Variants in PNPLA7 observed in about 807,000 individuals in gnomAD.
PNPLA7 encodes patatin-like phospholipase domain-containing protein 7.
In PNPLA7, 153 loss-of-function variants were observed where a neutral mutation model predicts 161.7. The ratio of observed to expected loss-of-function variants is 0.95; its 90% CI spans 0.83 to 1.08. PNPLA7 has a LOEUF of 1.08. Ranked by LOEUF, PNPLA7 falls within the 50% of genes least tolerant of loss-of-function variation. The pLI, the probability that PNPLA7 is intolerant of heterozygous loss-of-function variation, is 0.00. For synonymous variants in PNPLA7, 809 were observed against 782.1 expected (o/e 1.03, Z -0.57); for missense variants, 1,739 against 1,856.6 (o/e 0.94, Z 1.16).
Position 137,540,096 on chromosome 9 carries a change from T to C in PNPLA7, c.747+546A>G, listed in dbSNP as rs1180653057. Among the ~76,000 whole-genome samples, 1 of 152,102 alleles carries C rather than the reference T, an allele frequency of 6.6e-6. No individual in the cohort carries two copies. Among genetic ancestry groups the C allele is most frequent in the Non-Finnish European group, 1.5e-5 (1 of 68,026 alleles). ...ACTGCGCCCGGCCCGGCAGCACCTT[T>C]CAAAATTACAAGTCTGCATCCCTGG... is the stretch of plus-strand genomic sequence containing the variant. On this transcript the variant is annotated intron_variant, in intron 8 of 34. Coordinates refer to ENST00000406427, the MANE Select transcript of PNPLA7 (RefSeq NM_001098537.3). The surrounding 1 kb of genome is among the most constrained non-coding windows in gnomAD (Gnocchi z 5.1).
intron 8 of PNPLA7, among the ~76,000 whole-genome samples, chr9:137,526,687 G>A (rs1347857386): frequency 1.3e-5 from 2 of 152,182 alleles, no homozygotes; most frequent in African/African-American, 4.8e-5. Context: ...GAGTGGCCTG[G>A]GAACTCCCAA....
At chr9:137,461,414 G>T in intron 33 of PNPLA7, 122 bp downstream of exon 33, 3 of 1,093,712 alleles carry the variant, frequency 2.7e-6, no homozygotes, top group Non-Finnish European at 2.6e-6. Flanking sequence ...AGCTGCTGGA[G>T]CCTGGGCGTG....
intron 19 of PNPLA7, among the ~76,000 whole-genome samples, 188 bp downstream of exon 19, chr9:137,494,845 C>G (rs1414004568): frequency 6.6e-6 from 1 of 150,516 alleles, no homozygotes; most frequent in Non-Finnish European, 1.5e-5. Flanking sequence ...ACTCTGCACC[C>G]TCACCTGCGC....
chr9:137,550,031 A>G, intron 1 of PNPLA7, 137 bp downstream of exon 1: 1 of 1,003,858 alleles, frequency 1.0e-6, no homozygotes, highest in South Asian at 1.3e-5. Context: ...CAGATCCACC[A>G]CTCCCACAGT....
At chr9:137,474,263 T>C (rs1241977719) in intron 25 of PNPLA7, among the ~76,000 whole-genome samples, 4 of 152,030 alleles carry the variant, frequency 2.6e-5, no homozygotes, top group African/African-American at 7.3e-5. Context: ...AAAGAATTGG[T>C]GATAACAGCT....
chr9:137,478,123 C>A lies in PNPLA7; in HGVS notation c.2793G>T (p.Arg931=). 3 of 1,349,510 alleles carry A rather than the reference C, an allele frequency of 2.2e-6. No homozygotes were observed. The highest frequency in any genetic ancestry group is 1.9e-6 in the Non-Finnish European group (2 of 1,043,182). The allele number at this position is 1,349,510 out of a possible 1,614,324, so 83.6% of individuals were successfully genotyped here. Residue 931 remains arginine, a synonymous_variant, in exon 25 of 35, where the codon CGG becomes CGT. Coordinates refer to ENST00000406427, the MANE Select transcript of PNPLA7 (RefSeq NM_001098537.3). The part of the protein sequence containing the change: ...LVEMYKHVFQ[R]PPDRHSDFSR... Reference sequence around the variant, plus strand: ...AGAAGTCTGAGTGTCGGTCCGGGGGCCGCTGGAAGACATGCTTGTACATCT... The same window carrying A: ...AGAAGTCTGAGTGTCGGTCCGGGGGACGCTGGAAGACATGCTTGTACATCT...
At chr9:137,503,179 C>A (rs1833593577) in intron 14 of PNPLA7, among the ~76,000 whole-genome samples, 1 of 151,900 alleles carries the variant, frequency 6.6e-6, no homozygotes, top group Non-Finnish European at 1.5e-5. Context: ...GCTAGGAGTT[C>A]AAGACCAGCC....
chr9:137,466,939 C>T (rs1158277588), intron 26 of PNPLA7, among the ~76,000 whole-genome samples: 1 of 146,248 alleles, frequency 6.8e-6, no homozygotes, highest in East Asian at 2.0e-4. Context: ...ACCGTCTCCA[C>T]CATCTCAGAC....
intron 9 of PNPLA7, 137 bp downstream of exon 9, chr9:137,522,592 A>C (rs1027359463): frequency 2.0e-6 from 2 of 982,178 alleles, no homozygotes; most frequent in Non-Finnish European, 3.0e-6. Context: ...TATTCCTCTG[A>C]AATCACCTTC....
At chr9:137,544,858 C>A (rs905241432) in intron 4 of PNPLA7, among the ~76,000 whole-genome samples, 1 of 152,152 alleles carries the variant, frequency 6.6e-6, no homozygotes, top group Non-Finnish European at 1.5e-5. Flanking sequence ...CCATGTTGGC[C>A]AGGCTGGTCT....
Position 137,476,821 on chromosome 9 carries a change from T to C in PNPLA7, c.2882+1213A>G, listed in dbSNP as rs1831959456. 6.6e-6 allele frequency among the ~76,000 whole-genome samples: 1 copy of C among 152,214 alleles called. No homozygotes were observed. Among genetic ancestry groups the C allele is most frequent in the Admixed American group, 6.5e-5 (1 of 15,282 alleles). Reference sequence around the variant, plus strand: ...CAGCCTGGCAACCTCAGGCAAGCCATTGAACTGCTGTAGGCCAACTTCCGC... The same window carrying C: ...CAGCCTGGCAACCTCAGGCAAGCCACTGAACTGCTGTAGGCCAACTTCCGC... On this transcript the variant is annotated intron_variant, in intron 25 of 34. Coordinates refer to ENST00000406427, the MANE Select transcript of PNPLA7 (RefSeq NM_001098537.3). The surrounding 1 kb of genome is among the most constrained non-coding windows in gnomAD (Gnocchi z 4.5).
chr9:137,497,052 G>A (rs776386105), intron 18 of PNPLA7, 135 bp downstream of exon 18: 66 of 1,166,598 alleles, frequency 5.7e-5, no homozygotes, highest in Admixed American at 8.3e-5. Context: ...AAGCGGCTGC[G>A]GGGCATCACT....
At chr9:137,497,955 G>A (rs907339400) in intron 17 of PNPLA7, among the ~76,000 whole-genome samples, 159 bp downstream of exon 17, 6 of 152,262 alleles carry the variant, frequency 3.9e-5, no homozygotes, top group East Asian at 1.9e-4. Flanking sequence ...GTGTGTTTCC[G>A]AGCTAAGCTG....
chr9:137,467,233 C>CAG lies in PNPLA7; in HGVS notation c.3039+82_3039+83dup. On this transcript the variant is annotated intron_variant, in intron 26 of 34. Coordinates refer to ENST00000406427, the MANE Select transcript of PNPLA7 (RefSeq NM_001098537.3). The surrounding 1 kb of genome is among the most constrained non-coding windows in gnomAD (Gnocchi z 5.1). The stretch of plus-strand genomic sequence containing the variant: ...GGGCAGGGCCCTGCAGAGCCACATG[C>CAG]AGAGGCCAACGGCCCCAGCGTCCCC... The CAG allele has an allele frequency of 6.7e-7, 1 of 1,487,466 alleles. No individual in the cohort carries two copies. Among genetic ancestry groups the CAG allele is most frequent in the South Asian group, 1.3e-5 (1 of 75,110 alleles). 92.1% of individuals were successfully genotyped at this position (1,487,466 alleles called of 1,614,324 possible). A position where few individuals can be genotyped will look rare whatever the true frequency, so the allele number is the denominator to read the frequency against.
In PNPLA7 at chr9:137,463,496, G is replaced by C; in HGVS notation, c.3262C>G (p.Leu1088Val). 6.3e-7 allele frequency: 1 copy of C among 1,589,130 alleles called. No homozygotes were observed. Among genetic ancestry groups the C allele is most frequent in the South Asian group, 1.1e-5 (1 of 87,390 alleles). The change falls in exon 29 of 35, where the codon CTG becomes GTG. Residue 1088 changes from leucine to valine, a missense_variant. Physicochemically the swap from Leu to Val is conservative, Grantham distance 32. This residue lies in a region of PNPLA7 where 703 missense variants were observed against 694.6 expected (regional missense o/e 1.01). Transcript: ENST00000406427. ...CAGAGAGGGGGCATGTAACCGGACA[G>C]GGACATGCTGGCACGCACGTACCAC... ...LWWYVRASMSLSGYMPPLCDP... is the reference protein window; with the variant it reads ...LWWYVRASMSVSGYMPPLCDP...
In PNPLA7 at chr9:137,534,343, C is replaced by G. The variant is rs1367188495; in HGVS notation, c.747+6299G>C. Reference sequence around the variant, plus strand: ...AGTGTCTACTCCAGGCGGGAGCACTCCCAGGCTCCTCAGTGAGTGTCCACT... The same window carrying G: ...AGTGTCTACTCCAGGCGGGAGCACTGCCAGGCTCCTCAGTGAGTGTCCACT... On this transcript the variant is annotated intron_variant, in intron 8 of 34. Transcript: ENST00000406427. Among the ~76,000 whole-genome samples, 7 of 151,974 alleles carry G rather than the reference C, an allele frequency of 4.6e-5. No homozygotes were observed. The South Asian group carries it at 1.5e-3, about 32-fold the overall frequency.
rs962557566 is a variant in PNPLA7, at chr9:137,550,307, T to C, written c.-110A>G. 8.3e-7 allele frequency: 1 copy of C among 1,211,210 alleles called. No homozygotes were observed. Among genetic ancestry groups the C allele is most frequent in the Non-Finnish European group, 1.2e-6 (1 of 820,906 alleles). The allele number at this position is 1,211,210 out of a possible 1,614,324, so 75.0% of individuals were successfully genotyped here. On this transcript the variant is annotated 5_prime_UTR_variant, in exon 1 of 35. Transcript: ENST00000406427. ...ACCTGGACACTTTTCCCTGGGTTCC[T>C]TTCAAGTCAAATTATGTTTCACTGA...
At chr9:137,506,211 C>G in intron 12 of PNPLA7, 128 bp from the exon 13 acceptor site, 1 of 681,074 alleles carries the variant, frequency 1.5e-6, no homozygotes, top group Non-Finnish European at 2.6e-6. Context: ...GGAGTCGGGC[C>G]CTGAGATCCC....
At chr9:137,544,334 C>A (rs1836370267) in intron 4 of PNPLA7, among the ~76,000 whole-genome samples, 1 of 152,274 alleles carries the variant, frequency 6.6e-6, no homozygotes, top group Middle Eastern at 3.4e-3. Context: ...GCAGGGTCAC[C>A]TCACTCAGGC....
Sources: allele counts gnomAD v4.1 joint callset (sites outside exome capture counted in the v4.1 genomes callset), GRCh38; gene constraint gnomAD v4.1.1; regional missense constraint gnomAD v4.1.1; non-coding constraint Gnocchi (gnomAD v3.1); transcripts MANE v1.5; gene names NCBI Gene and HGNC (gene_info 2026-07-23, HGNC 2026-07-21).